The following DNAJB6 variants were observed in gnomAD, a reference collection of about 807,000 sequenced individuals.
DNAJB6 encodes the protein DnaJ heat shock protein family (Hsp40) member B6.
A neutral mutation model predicts 42.7 loss-of-function variants in DNAJB6; 16 were observed. The observed-to-expected ratio is 0.37, with a 90% confidence interval of 0.25 to 0.57. DNAJB6 has a LOEUF of 0.57. DNAJB6 is among the 20% of genes least tolerant of loss of function. DNAJB6 has a pLI of 0.74. For synonymous variants in DNAJB6, 170 were observed against 163.5 expected, an observed-to-expected ratio of 1.04 and a Z score of -0.30; for missense variants, 347 against 416.8, an observed-to-expected ratio of 0.83 and a Z score of 1.46.
At chr7:157,405,091 C>T (rs1042896435) in intron 8 of DNAJB6, among the ~76,000 whole-genome samples, 8 of 152,196 alleles carry the variant, frequency 5.3e-5, no homozygotes, top group Non-Finnish European at 1.2e-4. Context: ...ACTGACAGGC[C>T]GGCCTTGGTG....
At chr7:157,392,870 C>A (rs555641499) in intron 8 of DNAJB6, among the ~76,000 whole-genome samples, 67 of 152,234 alleles carry the variant, frequency 4.4e-4, no homozygotes, top group South Asian at 3.9e-3. Flanking sequence ...CTGGGAATGC[C>A]GTCTGTGTGT....
intron 1 of DNAJB6, among the ~76,000 whole-genome samples, chr7:157,347,548 T>G (rs1444420579): frequency 1.3e-5 from 2 of 152,190 alleles, no homozygotes; most frequent in Non-Finnish European, 2.9e-5. Flanking sequence ...GACATTTACT[T>G]AATTCCTTTG....
At chr7:157,389,181 A>T (rs952426861) in intron 8 of DNAJB6, among the ~76,000 whole-genome samples, 2 of 152,226 alleles carry the variant, frequency 1.3e-5, no homozygotes, top group African/African-American at 4.8e-5. Context: ...TCTGTTTATT[A>T]ATTAGAGCTT....
intron 6 of DNAJB6, among the ~76,000 whole-genome samples, chr7:157,382,945 TC>T (rs1333601078): frequency 1.3e-5 from 2 of 152,268 alleles, no homozygotes; most frequent in East Asian, 3.9e-4. Context: ...GCCTGAAGAA[TC>T]CCACTTTTCT....
At position 157,351,654 on chromosome 7, in the gene DNAJB6, ACAACAAC is replaced by A. The variant is rs778005128; in HGVS notation, c.-26-6892_-26-6886del. Among the ~76,000 whole-genome samples the A allele has an allele frequency of 1.2e-4, 14 of 112,988 alleles. 1 individual carries two copies. Among genetic ancestry groups the A allele is most frequent in the South Asian group, 8.6e-4 (3 of 3,508 alleles). The allele number at this position is 112,988 out of a possible 152,430, so 74.1% of individuals were successfully genotyped here. Reference sequence around the variant, plus strand: ...TCTCAAAACAACAACAACAACAACAACAACAACAAAAAAAACCACAAAACTTGTTTGG... The same window carrying A: ...TCTCAAAACAACAACAACAACAACAAAAAAAAAACCACAAAACTTGTTTGG... On this transcript the variant is annotated intron_variant, in intron 1 of 9. Transcript: ENST00000262177.
chr7:157,363,517 G>A lies in DNAJB6; in HGVS notation c.175+247G>A, dbSNP rs6970294. Among the ~76,000 whole-genome samples the A allele has an allele frequency of 0.55, 83,131 of 151,944 alleles. 23,093 individuals are homozygous for A. The highest frequency in any genetic ancestry group is 0.75 in the East Asian group (3,896 of 5,162). ...CTCCTAGGATGGCTGTTTTAAAAGC[G>A]GGACTAGACATCCTGGGTTTGAGGA... is the stretch of plus-strand genomic sequence containing the variant. On this transcript the variant is annotated intron_variant, in intron 3 of 9. Coordinates refer to ENST00000262177, the MANE Select transcript of DNAJB6 (RefSeq NM_058246.4).
At chr7:157,380,211 AGGAT>A (rs1395648263) in intron 5 of DNAJB6, 8 of 152,158 alleles carry the variant, frequency 5.3e-5, no homozygotes, top group African/African-American at 1.9e-4. Flanking sequence ...TTTACCTGGG[AGGAT>A]ATGTTGTAGA....
At chr7:157,381,774 GTGGGC>G (rs2117073212) in intron 5 of DNAJB6, 1 of 153,634 alleles carries the variant, frequency 6.5e-6, no homozygotes, top group African/African-American at 2.4e-5. Flanking sequence ...GTGTGTGTGT[GTGGGC>G]GCGCGCATGT....
chr7:157,382,621 A>G lies in DNAJB6; in HGVS notation c.478+244A>G, dbSNP rs989774632. The G allele has an allele frequency of 1.7e-5, 5 of 289,296 alleles. No individual in the cohort carries two copies. The Admixed American group carries it at 2.6e-4, about 15-fold the overall frequency. 17.9% of individuals were successfully genotyped at this position (289,296 alleles called of 1,614,324 possible). ...ATATAATAATCAAGGCCAGAATGTA[A>G]TGAAATTCTTAGTTAAAAAGGGGCA... On this transcript the variant is annotated intron_variant, in intron 6 of 9. Transcript: ENST00000262177.
rs60806134 is a variant in DNAJB6, at chr7:157,346,316, T to TAAAAAAAAAAAAAAAA, written c.-27+9178_-27+9193dup. Among the ~76,000 whole-genome samples, 2 of 117,714 alleles carry TAAAAAAAAAAAAAAAA rather than the reference T, an allele frequency of 1.7e-5. 1 individual carries two copies. Among genetic ancestry groups the TAAAAAAAAAAAAAAAA allele is most frequent in the Admixed American group, 2.0e-4 (2 of 10,114 alleles). The allele number at this position is 117,714 out of a possible 152,430, so 77.2% of individuals were successfully genotyped here. A position where few individuals can be genotyped will look rare whatever the true frequency, so the allele number is the denominator to read the frequency against. ...GGTAGCCCTGCTCTGCAAGGAGTAG[T>TAAAAAAAAAAAAAAAA]AAAAAAAAAAAAAAAAAAAAAGTTA... On this transcript the variant is annotated intron_variant, in intron 1 of 9. Coordinates refer to ENST00000262177, the MANE Select transcript of DNAJB6 (RefSeq NM_058246.4).
rs1801535437 is a variant in DNAJB6 at position 157,395,380 on chromosome 7, G to A, written c.691+9769G>A. ...GTTCTGCTTTTGTCTGTCTTTTAAA[G>A]AGAATTGCATGGGCAGCTTCTCTGT... On this transcript the variant is annotated intron_variant, in intron 8 of 9. Transcript: ENST00000262177. Among the ~76,000 whole-genome samples, 4 of 152,250 alleles carry A rather than the reference G, an allele frequency of 2.6e-5. No homozygotes were observed. In the South Asian group the frequency reaches 8.3e-4, roughly 31 times the overall value.
intron 1 of DNAJB6, among the ~76,000 whole-genome samples, chr7:157,342,739 C>T (rs1428098731): frequency 6.6e-6 from 1 of 152,166 alleles, no homozygotes; most frequent in African/African-American, 2.4e-5. Context: ...AGGTGTGAGC[C>T]ACCAAGCCTG....
intron 5 of DNAJB6, among the ~76,000 whole-genome samples, chr7:157,370,182 A>G (rs145993667): frequency 0.049 from 7,049 of 145,154 alleles, 208 homozygotes; most frequent in African/African-American, 0.075. Flanking sequence ...ATTATTAAAC[A>G]GGCCCCTTCT....
intron 1 of DNAJB6, among the ~76,000 whole-genome samples, chr7:157,344,697 C>T (rs574125472): frequency 6.6e-5 from 10 of 152,258 alleles, no homozygotes; most frequent in Non-Finnish European, 1.3e-4. Context: ...TCACTAGCAT[C>T]GACTGCCTGG....
At position 157,387,234 on chromosome 7, in the gene DNAJB6, A is replaced by C. The variant is rs573042285; in HGVS notation, c.691+1623A>C. Reference sequence around the variant, plus strand: ...AGCTCAAAAAAGCATAGCAACAGTTAAGTAATTGGGGACAGTTGAAGTACA... The same window carrying C: ...AGCTCAAAAAAGCATAGCAACAGTTCAGTAATTGGGGACAGTTGAAGTACA... On this transcript the variant is annotated intron_variant, in intron 8 of 9. Coordinates refer to ENST00000262177, the MANE Select transcript of DNAJB6 (RefSeq NM_058246.4). Among the ~76,000 whole-genome samples, 5 of 152,330 alleles carry C rather than the reference A, an allele frequency of 3.3e-5. No individual in the cohort carries two copies. The South Asian group carries it at 1.0e-3, about 32-fold the overall frequency.
intron 1 of DNAJB6, among the ~76,000 whole-genome samples, chr7:157,349,533 C>T (rs948082503): frequency 2.0e-5 from 3 of 151,828 alleles, no homozygotes; most frequent in African/African-American, 4.8e-5. Flanking sequence ...CCCAGGTTGG[C>T]GTGCAGTGGT....
At chr7:157,403,813 G>C (rs900845739) in intron 8 of DNAJB6, among the ~76,000 whole-genome samples, 2 of 152,362 alleles carry the variant, frequency 1.3e-5, no homozygotes, top group South Asian at 4.1e-4. Context: ...GGGGCTTTAG[G>C]GGGAAGCGCA....
intron 5 of DNAJB6, among the ~76,000 whole-genome samples, chr7:157,377,769 C>A (rs1191348992): frequency 6.6e-6 from 1 of 152,218 alleles, no homozygotes; most frequent in East Asian, 1.9e-4. Context: ...CTGTGCATGG[C>A]CCAGTTAACC....
chr7:157,382,413 ACAG>A (rs1165847362), intron 6 of DNAJB6, 36 bp downstream of exon 6: 41 of 1,585,252 alleles, frequency 2.6e-5, no homozygotes, highest in Non-Finnish European at 3.5e-5. Context: ...TGTTATCTTA[ACAG>A]CAGTTAGTAC....
Sources: gnomAD v4.1 joint callset for allele counts (sites outside exome capture counted in the v4.1 genomes callset) on GRCh38, gnomAD v4.1.1 for gene constraint, MANE v1.5 for transcripts, NCBI Gene and HGNC (gene_info 2026-07-23, HGNC 2026-07-21) for gene names.